CCDC73: variants seen among roughly 807,000 people sequenced by gnomAD.
CCDC73 encodes coiled-coil domain-containing protein 73.
In CCDC73, 95 loss-of-function variants were observed where a neutral mutation model predicts 116.5. That is an observed-to-expected ratio of 0.82 (90% CI 0.69 to 0.97). CCDC73 has a LOEUF of 0.97. Ranked by LOEUF, CCDC73 falls within the 50% of genes least tolerant of loss-of-function variation. The pLI, the probability that CCDC73 is intolerant of heterozygous loss-of-function variation, is 0.00. For missense variants in CCDC73, 1,066 were observed against 1,206.8 expected (o/e 0.88, Z 1.73); for synonymous variants, 398 against 401.3 (o/e 0.99, Z 0.10).
At chr11:32,824,390 A>G in the CCDC73 span, among the ~76,000 whole-genome samples, 1 of 152,364 alleles carries the variant, frequency 6.6e-6, no homozygotes, top group East Asian at 1.9e-4. Context: ...AAGACTATCC[A>G]GAATGAGAAA....
chr11:32,792,286 G>A (rs1345152219), intron 1 of CCDC73, among the ~76,000 whole-genome samples: 2 of 151,570 alleles, frequency 1.3e-5, no homozygotes, highest in Non-Finnish European at 2.9e-5. Context: ...TGAAAGGCTA[G>A]ACTAGTAAAA....
chr11:32,776,174 T>C (rs1165704350), intron 1 of CCDC73, among the ~76,000 whole-genome samples: 1 of 152,174 alleles, frequency 6.6e-6, no homozygotes, highest in Non-Finnish European at 1.5e-5. Context: ...TTAGATTCAT[T>C]CTGCATCACT....
chr11:32,694,286 G>A (rs1172609609), intron 6 of CCDC73, among the ~76,000 whole-genome samples: 2 of 152,096 alleles, frequency 1.3e-5, no homozygotes, highest in South Asian at 2.1e-4. Flanking sequence ...CAAACAGAGA[G>A]CCAAATCATG....
At chr11:32,766,070 C>T (rs1452743756) in intron 1 of CCDC73, among the ~76,000 whole-genome samples, 2 of 152,200 alleles carry the variant, frequency 1.3e-5, no homozygotes, top group Non-Finnish European at 2.9e-5. Flanking sequence ...AAAATACTGG[C>T]AAACCGAATC....
chr11:32,829,102 A>AT, the CCDC73 span, among the ~76,000 whole-genome samples: 1 of 152,232 alleles, frequency 6.6e-6, no homozygotes, highest in African/African-American at 2.4e-5. Context: ...CCCTACTCTG[A>AT]AAAAGAAAAA....
At chr11:32,608,506 G>C (rs1855383250) in intron 17 of CCDC73, among the ~76,000 whole-genome samples, 1 of 152,184 alleles carries the variant, frequency 6.6e-6, no homozygotes, top group Non-Finnish European at 1.5e-5. Flanking sequence ...GCTTTGCAGG[G>C]TACAGCCTCC....
At chr11:32,826,320 A>G in the CCDC73 span, among the ~76,000 whole-genome samples, 8 of 152,232 alleles carry the variant, frequency 5.3e-5, no homozygotes, top group African/African-American at 1.4e-4. Context: ...AGCAAGTTTA[A>G]TAAAGTTGCA....
chr11:32,696,653 C>T (rs1856313661), intron 6 of CCDC73, among the ~76,000 whole-genome samples: 1 of 152,028 alleles, frequency 6.6e-6, no homozygotes, highest in Admixed American at 6.6e-5. Flanking sequence ...CCAGGCTGGT[C>T]TTGAACTCCT....
chr11:32,701,379 A>G (rs1482360983), intron 4 of CCDC73, among the ~76,000 whole-genome samples: 1 of 152,094 alleles, frequency 6.6e-6, no homozygotes, highest in Non-Finnish European at 1.5e-5. Context: ...GTGCAGCCTA[A>G]CAAATTATGA....
At chr11:32,714,510 C>A (rs759714958) in intron 3 of CCDC73, among the ~76,000 whole-genome samples, 2 of 152,024 alleles carry the variant, frequency 1.3e-5, no homozygotes, top group Admixed American at 6.6e-5. Flanking sequence ...AAAGAAAAAA[C>A]AAATATCCTG....
intron 13 of CCDC73, among the ~76,000 whole-genome samples, chr11:32,637,879 A>G (rs1590560694): frequency 6.6e-6 from 1 of 152,176 alleles, no homozygotes; most frequent in East Asian, 1.9e-4. Context: ...GTAGATTAAC[A>G]TCTCCAAATG....
rs187662357 is a variant in CCDC73 at position 32,747,548 on chromosome 11, A to C, written c.135+12561T>G. The stretch of plus-strand genomic sequence containing the variant: ...CCCTGCCACCAGAGGTGGAATCTAG[A>C]GAGGCAGTAGGCCTTGCTGAGCTGC... On this transcript the variant is annotated intron_variant, in intron 2 of 17. Transcript: ENST00000335185. Among the ~76,000 whole-genome samples the C allele has an allele frequency of 3.3e-4, 50 of 152,316 alleles. 1 individual carries two copies. In the East Asian group the frequency reaches 9.7e-3, roughly 29 times the overall value.
At chr11:32,749,546 G>C (rs1850268499) in intron 2 of CCDC73, among the ~76,000 whole-genome samples, 4 of 151,984 alleles carry the variant, frequency 2.6e-5, no homozygotes, top group Admixed American at 2.0e-4. Flanking sequence ...TGTTTGGTGA[G>C]GTATGTTTTT....
chr11:32,644,138 T>C (rs756079138), intron 12 of CCDC73, among the ~76,000 whole-genome samples: 5 of 152,204 alleles, frequency 3.3e-5, no homozygotes, highest in Non-Finnish European at 7.4e-5. Flanking sequence ...ATATACACCA[T>C]GGAATACTAC....
At chr11:32,746,466 T>C (rs1850240589) in intron 2 of CCDC73, among the ~76,000 whole-genome samples, 1 of 152,206 alleles carries the variant, frequency 6.6e-6, no homozygotes, top group Admixed American at 6.5e-5. Flanking sequence ...AATTTGAATG[T>C]TGGCCTGCCT....
At position 32,698,010 on chromosome 11, in the gene CCDC73, A is replaced by ATTTTTTTTT. The variant is rs1849771437; in HGVS notation, c.390+1240_390+1241insAAAAAAAAA. ...TCTGTTGTTTCTTTGTCTAACACTG[A>ATTTTTTTTT]ATTTTTTTTTTTTTTTTTTTTTTTT... On this transcript the variant is annotated intron_variant, in intron 6 of 17. Coordinates refer to ENST00000335185, the MANE Select transcript of CCDC73 (RefSeq NM_001008391.4). Among the ~76,000 whole-genome samples, 2 of 117,758 alleles carry ATTTTTTTTT rather than the reference A, an allele frequency of 1.7e-5. 1 individual carries two copies. The allele number at this position is 117,758 out of a possible 152,430, so 77.3% of individuals were successfully genotyped here. A position where few individuals can be genotyped will look rare whatever the true frequency, so the allele number is the denominator to read the frequency against.
intron 2 of CCDC73, among the ~76,000 whole-genome samples, chr11:32,751,392 C>T (rs56858571): frequency 6.6e-6 from 1 of 152,122 alleles, no homozygotes; most frequent in Non-Finnish European, 1.5e-5. Flanking sequence ...GAGACCAGTA[C>T]AGCACTAGGA....
rs1565069525 is a variant in CCDC73 at position 32,661,965 on chromosome 11, G to A, written c.646-6993C>T. On this transcript the variant is annotated intron_variant, in intron 9 of 17. Transcript: ENST00000335185. ...TTTTTTGTCCTTGAGATAGTTTGCT[G>A]AGAATGATGGTTTCCAGCTTCATCC... is the stretch of plus-strand genomic sequence containing the variant. Among the ~76,000 whole-genome samples the A allele has an allele frequency of 1.3e-5, 2 of 151,474 alleles. 1 individual carries two copies. The highest frequency in any genetic ancestry group is 4.2e-4 in the South Asian group (2 of 4,798).
At chr11:32,647,492 G>C (rs1471254962) in intron 12 of CCDC73, among the ~76,000 whole-genome samples, 3 of 152,096 alleles carry the variant, frequency 2.0e-5, no homozygotes, top group South Asian at 2.1e-4. Context: ...CATATCAGAG[G>C]CTTTCTTCAA....
Sources: allele counts gnomAD v4.1 joint callset (sites outside exome capture counted in the v4.1 genomes callset), GRCh38; gene constraint gnomAD v4.1.1; transcripts MANE v1.5; gene names NCBI Gene and HGNC (gene_info 2026-07-23, HGNC 2026-07-21).